Variants in KMT2C observed in about 807,000 individuals in gnomAD.
The protein encoded by KMT2C is histone-lysine N-methyltransferase 2C.
KMT2C carries 88 observed loss-of-function variants against 507.9 expected under a neutral mutation model. That is an observed-to-expected ratio of 0.17 (90% CI 0.15 to 0.21). The LOEUF (loss-of-function observed/expected upper bound fraction) is 0.21. KMT2C is among the 10% of genes least tolerant of loss of function. The pLI is 1.00. For missense variants in KMT2C, 4,954 were observed against 5,957.8 expected (o/e 0.83, Z 5.55); for synonymous variants, 2,049 against 2,080.8 (o/e 0.98, Z 0.42).
At chr7:152,169,314 TAAAAG>T in intron 40 of KMT2C, 65 bp from the exon 41 acceptor site, 1 of 859,900 alleles carries the variant, frequency 1.2e-6, no homozygotes, top group Non-Finnish European at 1.9e-6. Flanking sequence ...GAAAAAACTT[TAAAAG>T]AAAGAAAGAA....
intron 8 of KMT2C, 47 bp downstream of exon 8, chr7:152,264,991 T>C (rs757968138): frequency 6.2e-7 from 1 of 1,608,506 alleles, no homozygotes; most frequent in Non-Finnish European, 8.5e-7. Flanking sequence ...AGTAATAGGG[T>C]CCCTCTTAAA....
chr7:152,301,134 G>A (rs888848496), intron 6 of KMT2C, among the ~76,000 whole-genome samples: 2 of 151,644 alleles, frequency 1.3e-5, no homozygotes, highest in African/African-American at 4.8e-5. Context: ...AGGCCCAGGT[G>A]GGAGAACTGC....
chr7:152,204,591 CTAGATAGATAGA>C (rs57456614), intron 25 of KMT2C, among the ~76,000 whole-genome samples: 2,906 of 143,468 alleles, frequency 0.02, 45 homozygotes, highest in Admixed American at 0.032. Context: ...AGTGAGACCC[CTAGATAGATAGA>C]TAGATAGATA....
intron 9 of KMT2C, among the ~76,000 whole-genome samples, chr7:152,255,144 T>C (rs201450494): frequency 0.017 from 2,070 of 120,334 alleles, 87 homozygotes; most frequent in African/African-American, 0.061. Flanking sequence ...TATATATATA[T>C]ACATATATAT....
chr7:152,146,863 A>G (rs1473490050), intron 52 of KMT2C, 128 bp from the exon 53 acceptor site: 2 of 855,608 alleles, frequency 2.3e-6, no homozygotes, highest in Non-Finnish European at 3.5e-6. Flanking sequence ...GCAATAATCT[A>G]ATAAATCTGT....
chr7:152,317,319 C>CT (rs1219738960), intron 3 of KMT2C, among the ~76,000 whole-genome samples: 1 of 151,936 alleles, frequency 6.6e-6, no homozygotes, highest in Non-Finnish European at 1.5e-5. Context: ...TTATTGTTGA[C>CT]TTTTTTTTAA....
At chr7:152,155,797 CT>C in intron 46 of KMT2C, 112 bp downstream of exon 46, 3 of 982,158 alleles carry the variant, frequency 3.1e-6, no homozygotes, top group Non-Finnish European at 4.4e-6. Context: ...CCAAATTGTA[CT>C]CTTCAAATGT....
intron 1 of KMT2C, among the ~76,000 whole-genome samples, chr7:152,359,016 T>C (rs2097174404): frequency 6.6e-6 from 1 of 152,206 alleles, no homozygotes; most frequent in Non-Finnish European, 1.5e-5. Flanking sequence ...AACTACATAA[T>C]GGGTTCTTCA....
rs2129119206 is a variant in KMT2C at position 152,180,835 on chromosome 7, A to C, written c.7025T>G (p.Met2342Arg). ...AGAGAACTGCTGGCCTTGGGAGTGC[A>C]TTGGAGAGTTTGAAGATGCACAGAA... ...GSFCASSNSP[M>R]HSQGQQFSGV... The change falls in exon 36 of 59, where the codon ATG (methionine) becomes AGG (arginine). Residue 2342 changes from methionine (M) to arginine (R), a missense_variant. By Grantham distance (91) the Met-to-Arg change is moderately conservative. Coordinates refer to ENST00000262189, the MANE Select transcript of KMT2C (RefSeq NM_170606.3). The C allele has an allele frequency of 6.2e-7, 1 of 1,614,178 alleles. No individual in the cohort carries two copies. Among genetic ancestry groups the C allele is most frequent in the Non-Finnish European group, 8.5e-7 (1 of 1,180,024 alleles).
rs137863804 is a variant in KMT2C at position 152,203,759 on chromosome 7, CA to C, written c.3962-696del. On this transcript the variant is annotated intron_variant, in intron 25 of 58. Coordinates refer to ENST00000262189, the MANE Select transcript of KMT2C (RefSeq NM_170606.3). The stretch of plus-strand genomic sequence containing the variant: ...CTGAAAATCAATATGGGCACTCTAC[CA>C]CCAGACTACGTAAGTGAATTGACTC... 1.1e-3 allele frequency among the ~76,000 whole-genome samples: 166 copies of C among 152,184 alleles called. 1 individual carries two copies. The East Asian group carries it at 0.03, about 28-fold the overall frequency.
rs568592284 is a variant in KMT2C at position 152,298,147 on chromosome 7, G to A, written c.849+11819C>T. Among the ~76,000 whole-genome samples, 15 of 152,164 alleles carry A rather than the reference G, an allele frequency of 9.9e-5. No individual in the cohort carries two copies. The South Asian group carries it at 2.7e-3, about 27-fold the overall frequency. ...AAAAAGTGATTTTTAAAAAGCATCAGTGAGCAGTCAGGCAACTTCAAATAG... is the reference window on the plus strand; with the variant it reads ...AAAAAGTGATTTTTAAAAAGCATCAATGAGCAGTCAGGCAACTTCAAATAG... On this transcript the variant is annotated intron_variant, in intron 6 of 58. Transcript: ENST00000262189.
At chr7:152,409,563 CAAAAAA>C (rs367688749) in intron 1 of KMT2C, among the ~76,000 whole-genome samples, 1,498 of 90,956 alleles carry the variant, frequency 0.016, no homozygotes, top group Admixed American at 0.028. Flanking sequence ...GCTAAAAATA[CAAAAAA>C]AAAAAAAAAA....
In KMT2C at chr7:152,364,609, C is replaced by CAA. The variant is rs568794506; in HGVS notation, c.162-5936_162-5935dup. Reference sequence around the variant, plus strand: ...GGGTGACAGAGCGAGACTCCGTCTCCAAAAAAAAAAAGAAAAGAAAAAAAG... The same window carrying CAA: ...GGGTGACAGAGCGAGACTCCGTCTCCAAAAAAAAAAAAAGAAAAGAAAAAAAG... On this transcript the variant is annotated intron_variant, in intron 1 of 58. Transcript: ENST00000262189. Among the ~76,000 whole-genome samples, 3 of 90,826 alleles carry CAA rather than the reference C, an allele frequency of 3.3e-5. 1 individual carries two copies. Among genetic ancestry groups the CAA allele is most frequent in the African/African-American group, 9.7e-5 (2 of 20,558 alleles). The allele number at this position is 90,826 out of a possible 152,430, so 59.6% of individuals were successfully genotyped here. A position where few individuals can be genotyped will look rare whatever the true frequency, so the allele number is the denominator to read the frequency against.
At chr7:152,368,793 A>AT (rs2097268415) in intron 1 of KMT2C, 2 of 700,348 alleles carry the variant, frequency 2.9e-6, no homozygotes, top group Non-Finnish European at 2.4e-6. Flanking sequence ...GACAAAAATT[A>AT]TTTTTTCTTG....
chr7:152,284,836 A>G (rs2096270769), intron 6 of KMT2C, among the ~76,000 whole-genome samples: 1 of 152,268 alleles, frequency 6.6e-6, no homozygotes, highest in Non-Finnish European at 1.5e-5. Context: ...ATCATCAGGG[A>G]ATGCAAAATC....
intron 2 of KMT2C, among the ~76,000 whole-genome samples, chr7:152,337,975 G>C (rs1180607966): frequency 6.6e-6 from 1 of 151,808 alleles, no homozygotes; most frequent in Non-Finnish European, 1.5e-5. Context: ...TCCTGCCTCA[G>C]CCTCCCAAGT....
chr7:152,330,801 G>T, intron 2 of KMT2C, 62 bp from the exon 3 acceptor site: 1 of 1,438,938 alleles, frequency 6.9e-7, no homozygotes, highest in Non-Finnish European at 9.7e-7. Flanking sequence ...AATCACTGGT[G>T]AATGTATCTA....
Position 152,139,809 on chromosome 7 carries a change from C to T in KMT2C, c.14344-18G>A, listed in dbSNP as rs1395843881. On this transcript the variant is annotated intron_variant, in intron 55 of 58. Transcript: ENST00000262189. ...CCCAGCCCCTAAAAAAAAGTGTGTACATACTTCCAATTTATGTGACAACAA... is the reference window on the plus strand; with the variant it reads ...CCCAGCCCCTAAAAAAAAGTGTGTATATACTTCCAATTTATGTGACAACAA... 3.9e-6 allele frequency: 6 copies of T among 1,547,244 alleles called. No homozygotes were observed. Among genetic ancestry groups the T allele is most frequent in the Middle Eastern group, 1.7e-4 (1 of 5,956 alleles).
intron 2 of KMT2C, among the ~76,000 whole-genome samples, chr7:152,357,141 T>C (rs2097158653): frequency 6.6e-6 from 1 of 150,922 alleles, no homozygotes; most frequent in Non-Finnish European, 1.5e-5. Context: ...CAGGGAGAAC[T>C]GCATGAGCCC....
Sources: allele counts gnomAD v4.1 joint callset (sites outside exome capture counted in the v4.1 genomes callset), GRCh38; gene constraint gnomAD v4.1.1; transcripts MANE v1.5; gene names NCBI Gene and HGNC (gene_info 2026-07-23, HGNC 2026-07-21).